TRPC3: variants seen among roughly 807,000 people sequenced by gnomAD.
TRPC3 encodes transient receptor potential cation channel subfamily C member 3, also known as short transient receptor potential channel 3.
A neutral mutation model predicts 90.9 loss-of-function variants in TRPC3; 54 were observed. That is an observed-to-expected ratio of 0.59 (90% confidence interval 0.48 to 0.75). TRPC3 has a LOEUF of 0.75. Ranked by LOEUF, TRPC3 falls within the 30% of genes least tolerant of loss-of-function variation. The probability of loss-of-function intolerance (pLI) is 0.00; values close to 1 mark genes in which losing one functional copy is unlikely to be tolerated. For missense variants in TRPC3, 918 were observed against 1,194.5 expected, an observed-to-expected ratio of 0.77 and a Z score of 3.41; for synonymous variants, 424 against 450.9, an observed-to-expected ratio of 0.94 and a Z score of 0.75.
chr4:121,887,467 C>T (rs1257006854), intron 10 of TRPC3, among the ~76,000 whole-genome samples: 2 of 152,186 alleles, frequency 1.3e-5, no homozygotes, highest in Non-Finnish European at 2.9e-5. Context: ...CTGAAGCTCA[C>T]TGTGAGTGGA....
chr4:121,947,243 T>A (rs1204874250), intron 1 of TRPC3, among the ~76,000 whole-genome samples: 1 of 151,142 alleles, frequency 6.6e-6, no homozygotes, highest in African/African-American at 2.4e-5. Context: ...TGCCATGCTG[T>A]GCTGTTCTTA....
chr4:121,933,234 G>T, intron 1 of TRPC3, 192 bp from the exon 2 acceptor site: 1 of 1,209,954 alleles, frequency 8.3e-7, no homozygotes, highest in Non-Finnish European at 1.1e-6. Flanking sequence ...CTGGCTGCTA[G>T]ATCCCAGAAG....
chr4:121,913,808 T>A (rs1300026509), intron 4 of TRPC3, among the ~76,000 whole-genome samples: 4 of 152,244 alleles, frequency 2.6e-5, no homozygotes, highest in Non-Finnish European at 5.9e-5. Flanking sequence ...TTAATTTGCA[T>A]GGGCAACTCA....
chr4:121,930,846 A>C (rs1286280634), intron 2 of TRPC3: 3 of 402,212 alleles, frequency 7.5e-6, no homozygotes, highest in Admixed American at 3.7e-5. Flanking sequence ...AAAAAAAAAA[A>C]AAAAAAACAT....
At chr4:121,943,216 C>T (rs1261509645) in intron 1 of TRPC3, among the ~76,000 whole-genome samples, 1 of 152,002 alleles carries the variant, frequency 6.6e-6, no homozygotes, top group Non-Finnish European at 1.5e-5. Context: ...TACCCCTAGT[C>T]ACATATGGTT....
At chr4:121,927,148 T>G (rs1729749625) in intron 2 of TRPC3, among the ~76,000 whole-genome samples, 1 of 152,204 alleles carries the variant, frequency 6.6e-6, no homozygotes, top group Non-Finnish European at 1.5e-5. Context: ...CAGAATTCAG[T>G]ACCTGAGAGA....
Position 121,879,609 on chromosome 4 carries a change from T to C in TRPC3, c.*127A>G. 1.4e-5 allele frequency: 14 copies of C among 1,026,640 alleles called. No homozygotes were observed. The highest frequency in any genetic ancestry group is 1.9e-5 in the Non-Finnish European group (14 of 719,114). The allele number at this position is 1,026,640 out of a possible 1,614,324, so 63.6% of individuals were successfully genotyped here. The stretch of plus-strand genomic sequence containing the variant: ...CAATAAAACCATTAAGAGCTAACTT[T>C]TAAAGGTTCACATGATAAAGGTAGT... On this transcript the variant is annotated 3_prime_UTR_variant, in exon 12 of 12. Transcript: ENST00000379645.
intron 10 of TRPC3, among the ~76,000 whole-genome samples, chr4:121,887,216 A>T (rs1354100845): frequency 2.0e-5 from 3 of 152,204 alleles, no homozygotes; most frequent in Non-Finnish European, 2.9e-5. Context: ...CTCTATTCCC[A>T]AACCATTTTA....
chr4:121,888,642 C>T (rs1231129754), intron 10 of TRPC3, among the ~76,000 whole-genome samples: 2 of 151,886 alleles, frequency 1.3e-5, no homozygotes, highest in Non-Finnish European at 2.9e-5. Flanking sequence ...GGTGATCCAC[C>T]CACCTTGGCC....
In TRPC3 at chr4:121,899,704, A is replaced by C. The variant is rs749135592; in HGVS notation, c.2464-9T>G. 6.3e-7 allele frequency: 1 copy of C among 1,589,646 alleles called. No individual in the cohort carries two copies. Among genetic ancestry groups the C allele is most frequent in the African/African-American group, 1.3e-5 (1 of 74,388 alleles). On this transcript the variant is annotated splice_polypyrimidine_tract_variant and intron_variant, in intron 9 of 11. Transcript: ENST00000379645. ...TGAGTGAAGAGGTTTAACTAGGAAA[A>C]AATACAATTAACCTAGTAAATTAGA...
In TRPC3 at chr4:121,899,646, A is replaced by C. The variant is rs1728637452; in HGVS notation, c.2513T>G (p.Phe838Cys). ...TGTTGGCTGATTGAGAATGCTGTTA[A>C]AACTGTGTGATTCAAAAACTCTTGA... ...SNSRVFESHSFNSILNQPTRY... is the reference protein window; with the variant it reads ...SNSRVFESHSCNSILNQPTRY... The change falls in exon 10 of 12, where the codon TTT (phenylalanine) becomes TGT (cysteine). Residue 838 changes from phenylalanine to cysteine, a missense_variant. Physicochemically the swap from Phe to Cys is radical, Grantham distance 205. Around this residue, in one of 4 missense-constraint regions of TRPC3, gnomAD observed 121 missense variants for 135.7 expected, o/e 0.89. Transcript: ENST00000379645. 1 of 1,613,558 alleles carries C rather than the reference A, an allele frequency of 6.2e-7. No homozygotes were observed. Among genetic ancestry groups the C allele is most frequent in the Admixed American group, 1.7e-5 (1 of 59,986 alleles).
chr4:121,883,903 A>G (rs1356138152), intron 10 of TRPC3, among the ~76,000 whole-genome samples: 3 of 152,086 alleles, frequency 2.0e-5, no homozygotes, highest in Non-Finnish European at 4.4e-5. Context: ...ACATTTACAT[A>G]CCCTTTCAGC....
intron 1 of TRPC3, among the ~76,000 whole-genome samples, chr4:121,936,473 G>A (rs917200726): frequency 2.6e-5 from 4 of 152,166 alleles, no homozygotes; most frequent in South Asian, 4.1e-4. Context: ...CCACTGACCC[G>A]CAGATCTATG....
chr4:121,933,599 C>G (rs1475527992), intron 1 of TRPC3: 2 of 152,084 alleles, frequency 1.3e-5, no homozygotes, highest in Non-Finnish European at 2.9e-5. Flanking sequence ...ATCTTTTTCT[C>G]TTTATTTTAA....
chr4:121,941,779 T>C (rs1560719011), intron 1 of TRPC3, among the ~76,000 whole-genome samples: 1 of 152,156 alleles, frequency 6.6e-6, no homozygotes, highest in Non-Finnish European at 1.5e-5. Context: ...CTGACAGTCT[T>C]AATAATATCA....
At chr4:121,919,773 T>C (rs893246548) in intron 3 of TRPC3, among the ~76,000 whole-genome samples, 1 of 152,208 alleles carries the variant, frequency 6.6e-6, no homozygotes, top group Non-Finnish European at 1.5e-5. Context: ...ATGGAGGAAA[T>C]ATTAATAGGA....
At chr4:121,926,635 G>C (rs545973066) in intron 2 of TRPC3, among the ~76,000 whole-genome samples, 20 of 152,224 alleles carry the variant, frequency 1.3e-4, no homozygotes, top group Admixed American at 7.2e-4. Context: ...TTGAACTCCT[G>C]ACCTCAAATG....
intron 2 of TRPC3, among the ~76,000 whole-genome samples, chr4:121,929,904 C>G (rs1029079167): frequency 1.3e-5 from 2 of 151,768 alleles, no homozygotes; most frequent in African/African-American, 4.8e-5. Flanking sequence ...ACTTTGAGCT[C>G]AAAGTCCCCA....
Position 121,910,308 on chromosome 4 carries a change from G to A in TRPC3, c.1638C>T (p.Asp546=), listed in dbSNP as rs1729034932. Residue 546 remains aspartate, a synonymous_variant, in exon 6 of 12, where the codon GAC becomes GAT. Coordinates refer to ENST00000379645, the MANE Select transcript of TRPC3 (RefSeq NM_001130698.2). ...EYILQLWNVL[D]FGMLSIFIAA... ...CAATGAAGATGGACAGCATCCCAAA[G>A]TCAAGCACATTCCACAACTGCAAAA... is the stretch of plus-strand genomic sequence containing the variant. 6.2e-7 allele frequency: 1 copy of A among 1,613,714 alleles called. No homozygotes were observed. Among genetic ancestry groups the A allele is most frequent in the South Asian group, 1.1e-5 (1 of 91,086 alleles).
Sources: allele counts gnomAD v4.1 joint callset (sites outside exome capture counted in the v4.1 genomes callset), GRCh38; gene constraint gnomAD v4.1.1; regional missense constraint gnomAD v4.1.1; transcripts MANE v1.5; gene names NCBI Gene and HGNC (gene_info 2026-07-23, HGNC 2026-07-21).